The following PCSK5 variants were observed in gnomAD, a reference collection of about 807,000 sequenced individuals.
PCSK5 encodes proprotein convertase subtilisin/kexin type 5, also known as prohormone convertase 5.
PCSK5 carries 129 observed loss-of-function variants against 233.2 expected under a neutral mutation model. The observed-to-expected ratio is 0.55, with a 90% CI of 0.48 to 0.64. The LOEUF (loss-of-function observed/expected upper bound fraction) is 0.64. PCSK5 is among the 30% of genes least tolerant of loss of function. The probability of loss-of-function intolerance (pLI) is 0.00; values close to 1 mark genes in which losing one functional copy is unlikely to be tolerated. For missense variants in PCSK5, 2,076 were observed against 2,430.1 expected, an observed-to-expected ratio of 0.85 and a Z score of 3.06; for synonymous variants, 825 against 879.2, an observed-to-expected ratio of 0.94 and a Z score of 1.09.
At chr9:76,189,522 G>A in intron 19 of PCSK5, 109 bp from the exon 20 acceptor site, 1 of 723,460 alleles carries the variant, frequency 1.4e-6, no homozygotes, top group Non-Finnish European at 2.4e-6. Context: ...AGATTTTTGA[G>A]TAATCTTCAG....
chr9:76,087,021 A>T (rs1028141031), intron 7 of PCSK5, among the ~76,000 whole-genome samples: 1 of 152,242 alleles, frequency 6.6e-6, no homozygotes, highest in Non-Finnish European at 1.5e-5. Flanking sequence ...CACGTATTCT[A>T]CTATTCTTTC....
intron 7 of PCSK5, among the ~76,000 whole-genome samples, chr9:76,090,212 C>T (rs1363026973): frequency 6.6e-6 from 1 of 152,116 alleles, no homozygotes; most frequent in Non-Finnish European, 1.5e-5. Context: ...CTTCATAGTA[C>T]TCCATGCACC....
At chr9:76,062,824 C>T (rs1478569078) in intron 5 of PCSK5, among the ~76,000 whole-genome samples, 1 of 152,098 alleles carries the variant, frequency 6.6e-6, no homozygotes, top group South Asian at 2.1e-4. Context: ...TCTCTTCTAG[C>T]TATTTTGAAA....
intron 24 of PCSK5, among the ~76,000 whole-genome samples, chr9:76,247,256 T>C (rs116152181): frequency 0.022 from 3,328 of 152,224 alleles, 101 homozygotes; most frequent in South Asian, 0.12. Context: ...CGAGCGAAAC[T>C]TCAGCTTGAG....
At chr9:76,152,198 T>TACTGTCACAC (rs1234756718) in intron 10 of PCSK5, among the ~76,000 whole-genome samples, 19 of 152,216 alleles carry the variant, frequency 1.2e-4, no homozygotes, top group Non-Finnish European at 2.8e-4. Flanking sequence ...CTGATTTCAG[T>TACTGTCACAC]TGCACGTACG....
At chr9:76,280,638 A>G (rs1328747589) in intron 24 of PCSK5, among the ~76,000 whole-genome samples, 1 of 152,060 alleles carries the variant, frequency 6.6e-6, no homozygotes, top group Non-Finnish European at 1.5e-5. Flanking sequence ...TGGTGGGCTG[A>G]GGTGGGAGGA....
chr9:76,124,524 A>ATCAGGAGGTCAGGAGG (rs57933547), intron 9 of PCSK5, among the ~76,000 whole-genome samples: 2 of 150,942 alleles, frequency 1.3e-5, no homozygotes, highest in Non-Finnish European at 2.9e-5. Context: ...AGGCAGGCAG[A>ATCAGGAGGTCAGGAGG]TCAGGAGGTC....
intron 2 of PCSK5, among the ~76,000 whole-genome samples, chr9:75,948,657 G>C (rs1194496404): frequency 6.6e-6 from 1 of 152,002 alleles, no homozygotes; most frequent in Admixed American, 6.6e-5. Flanking sequence ...ATGATTTGTA[G>C]TCCTTTGGGT....
intron 3 of PCSK5, among the ~76,000 whole-genome samples, chr9:76,004,647 A>G (rs944560786): frequency 1.3e-5 from 2 of 152,136 alleles, no homozygotes; most frequent in Non-Finnish European, 2.9e-5. Flanking sequence ...TAAAAATATC[A>G]TTATTAACTC....
At chr9:76,094,372 G>A (rs1256434000) in intron 7 of PCSK5, among the ~76,000 whole-genome samples, 1 of 152,074 alleles carries the variant, frequency 6.6e-6, no homozygotes, top group Admixed American at 6.6e-5. Context: ...TTGTGACTTG[G>A]GTTCTCACTT....
At chr9:76,086,350 G>A (rs1831061917) in intron 7 of PCSK5, among the ~76,000 whole-genome samples, 1 of 152,158 alleles carries the variant, frequency 6.6e-6, no homozygotes, top group Non-Finnish European at 1.5e-5. Context: ...AACCTAGTCT[G>A]CCTGCCCCTC....
At chr9:76,123,205 C>CATGCT (rs1442448734) in intron 9 of PCSK5, among the ~76,000 whole-genome samples, 1 of 152,092 alleles carries the variant, frequency 6.6e-6, no homozygotes, top group African/African-American at 2.4e-5. Flanking sequence ...CATGCTGTTA[C>CATGCT]ATCTTTATTT....
At chr9:75,982,165 C>T (rs901556168) in intron 2 of PCSK5, among the ~76,000 whole-genome samples, 2 of 152,070 alleles carry the variant, frequency 1.3e-5, no homozygotes, top group African/African-American at 4.8e-5. Flanking sequence ...CCATTTCATT[C>T]TCTTTTATGG....
At chr9:76,093,582 TAC>T (rs3074176) in intron 7 of PCSK5, among the ~76,000 whole-genome samples, 15,277 of 149,792 alleles carry the variant, frequency 0.1, 846 homozygotes, top group African/African-American at 0.14. Flanking sequence ...TATATATATA[TAC>T]ACACACACAC....
intron 1 of PCSK5, among the ~76,000 whole-genome samples, 154 bp downstream of exon 1, chr9:75,891,527 G>A (rs1009072202): frequency 1.2e-4 from 9 of 72,204 alleles, no homozygotes; most frequent in African/African-American, 5.4e-4. Flanking sequence ...GCGCGCGCGC[G>A]TACGCACACA....
At chr9:76,352,998 G>A (rs538120388) in intron 36 of PCSK5, among the ~76,000 whole-genome samples, 3 of 148,092 alleles carry the variant, frequency 2.0e-5, no homozygotes, top group African/African-American at 7.5e-5. Context: ...ACTCCAGTGT[G>A]GGCAAAAAAG....
At chr9:76,191,749 C>T (rs1019971134) in intron 20 of PCSK5, among the ~76,000 whole-genome samples, 2 of 152,042 alleles carry the variant, frequency 1.3e-5, no homozygotes, top group Non-Finnish European at 1.5e-5. Context: ...CCAGGGGCCA[C>T]GTAAGTATCA....
At chr9:76,233,163 G>A (rs1826147458) in intron 21 of PCSK5, among the ~76,000 whole-genome samples, 2 of 152,150 alleles carry the variant, frequency 1.3e-5, no homozygotes, top group South Asian at 4.2e-4. Context: ...GTTTGGTTGG[G>A]GCCTATAATC....
chr9:76,137,577 T>C (rs1823038107), intron 10 of PCSK5, among the ~76,000 whole-genome samples: 1 of 152,144 alleles, frequency 6.6e-6, no homozygotes, highest in Non-Finnish European at 1.5e-5. Flanking sequence ...AAACATTGTT[T>C]GGCCTTGTTC....
Sources: allele counts gnomAD v4.1 joint callset (sites outside exome capture counted in the v4.1 genomes callset), GRCh38; gene constraint gnomAD v4.1.1; transcripts MANE v1.5; gene names NCBI Gene and HGNC (gene_info 2026-07-23, HGNC 2026-07-21).